The following GALNTL6 variants were observed in gnomAD, a reference collection of about 807,000 sequenced individuals.
GALNTL6 encodes the protein polypeptide N-acetylgalactosaminyltransferase like 6, also known as polypeptide N-acetylgalactosaminyltransferase-like 6.
Under a neutral mutation model 73.7 loss-of-function variants are expected in GALNTL6, and 46 were observed. That is an observed-to-expected ratio of 0.62 (90% CI 0.49 to 0.80). The LOEUF (loss-of-function observed/expected upper bound fraction) is 0.80. GALNTL6 is among the 30% of genes least tolerant of loss of function. The pLI is 0.00. For missense variants in GALNTL6, 604 were observed against 755.0 expected, an observed-to-expected ratio of 0.80 and a Z score of 2.34; for synonymous variants, 259 against 263.7, an observed-to-expected ratio of 0.98 and a Z score of 0.17.
intron 5 of GALNTL6, among the ~76,000 whole-genome samples, chr4:172,444,793 C>T (rs1436662745): frequency 6.6e-6 from 1 of 152,000 alleles, no homozygotes; most frequent in African/African-American, 2.4e-5. Context: ...AAATTGAATC[C>T]TTAATAGCTT....
chr4:172,288,690 A>C (rs1365657073), intron 3 of GALNTL6, among the ~76,000 whole-genome samples: 1 of 152,168 alleles, frequency 6.6e-6, no homozygotes, highest in Non-Finnish European at 1.5e-5. Flanking sequence ...AGTATGTAAT[A>C]AATATTTGTT....
At chr4:172,890,264 C>A (rs1257626334) in intron 8 of GALNTL6, among the ~76,000 whole-genome samples, 1 of 151,962 alleles carries the variant, frequency 6.6e-6, no homozygotes, top group Admixed American at 6.6e-5. Flanking sequence ...TAATTCTGCT[C>A]TGATTTCATT....
intron 5 of GALNTL6, among the ~76,000 whole-genome samples, chr4:172,594,332 G>T (rs1032138390): frequency 6.6e-6 from 1 of 152,026 alleles, no homozygotes; most frequent in East Asian, 1.9e-4. Flanking sequence ...GTGACAGAGC[G>T]AAACTCTGTC....
At chr4:172,823,526 G>T (rs1197801745) in intron 7 of GALNTL6, among the ~76,000 whole-genome samples, 2 of 152,190 alleles carry the variant, frequency 1.3e-5, no homozygotes, top group Non-Finnish European at 2.9e-5. Flanking sequence ...GTCAGATAAG[G>T]TTGTGTATAT....
At chr4:172,322,240 C>T (rs895726649) in intron 4 of GALNTL6, among the ~76,000 whole-genome samples, 4 of 152,130 alleles carry the variant, frequency 2.6e-5, no homozygotes, top group Non-Finnish European at 5.9e-5. Context: ...GCGTAGTTCA[C>T]TTCTATTCAT....
At position 172,666,575 on chromosome 4, in the gene GALNTL6, C is replaced by T. The variant is rs185988562; in HGVS notation, c.554-142786C>T. On this transcript the variant is annotated intron_variant, in intron 5 of 12. Coordinates refer to ENST00000506823, the MANE Select transcript of GALNTL6 (RefSeq NM_001034845.3). The stretch of plus-strand genomic sequence containing the variant: ...CTGCTTGTTCAACCTTGGACTAATT[C>T]CACCCTTGTTATTGACCCTTGTAGT... Among the ~76,000 whole-genome samples, 92 of 152,246 alleles carry T rather than the reference C, an allele frequency of 6.0e-4. 1 individual carries two copies. In the South Asian group the frequency reaches 0.016, roughly 26 times the overall value.
intron 9 of GALNTL6, among the ~76,000 whole-genome samples, chr4:172,951,651 A>G (rs1749449447): frequency 6.6e-6 from 1 of 152,272 alleles, no homozygotes; most frequent in Non-Finnish European, 1.5e-5. Flanking sequence ...TGCTTTAAGC[A>G]ATTTAATGCC....
intron 11 of GALNTL6, among the ~76,000 whole-genome samples, chr4:173,020,008 T>A (rs1230237339): frequency 6.6e-6 from 1 of 152,256 alleles, no homozygotes; most frequent in Non-Finnish European, 1.5e-5. Flanking sequence ...AGGGTTTCCC[T>A]GACAGCTCTT....
intron 2 of GALNTL6, among the ~76,000 whole-genome samples, chr4:171,986,128 A>C (rs1403629661): frequency 6.6e-6 from 1 of 151,766 alleles, no homozygotes; most frequent in Non-Finnish European, 1.5e-5. Context: ...ATGTGAAGAG[A>C]CCACCAAACA....
At chr4:172,578,235 A>C (rs1737036442) in intron 5 of GALNTL6, among the ~76,000 whole-genome samples, 1 of 152,210 alleles carries the variant, frequency 6.6e-6, no homozygotes, top group Admixed American at 6.5e-5. Flanking sequence ...ATGACTTTAA[A>C]TATTTCCATG....
At chr4:172,099,032 T>C (rs999036781) in intron 2 of GALNTL6, among the ~76,000 whole-genome samples, 7 of 152,142 alleles carry the variant, frequency 4.6e-5, no homozygotes, top group African/African-American at 1.7e-4. Flanking sequence ...GAGTTCTGGA[T>C]ACCACACCTA....
chr4:172,624,653 T>C (rs917013159), intron 5 of GALNTL6, among the ~76,000 whole-genome samples: 2 of 152,116 alleles, frequency 1.3e-5, no homozygotes, highest in Non-Finnish European at 2.9e-5. Context: ...AACAAGTATC[T>C]ACTGCTCTGC....
chr4:171,942,956 G>A (rs1251096496), intron 2 of GALNTL6, among the ~76,000 whole-genome samples: 2 of 152,164 alleles, frequency 1.3e-5, no homozygotes, highest in African/African-American at 4.8e-5. Context: ...GTAACTAAAT[G>A]ACTGTGCTCC....
At chr4:172,576,272 G>T (rs905578826) in intron 5 of GALNTL6, among the ~76,000 whole-genome samples, 1 of 151,756 alleles carries the variant, frequency 6.6e-6, no homozygotes, top group Non-Finnish European at 1.5e-5. Context: ...ACTGTGCTGG[G>T]TATTCATCTA....
At chr4:171,989,025 G>A (rs1047736753) in intron 2 of GALNTL6, among the ~76,000 whole-genome samples, 2 of 151,952 alleles carry the variant, frequency 1.3e-5, no homozygotes, top group African/African-American at 4.8e-5. Context: ...TGGGCAGGTG[G>A]GGATAACTAA....
At chr4:172,673,452 G>T (rs1015093863) in intron 5 of GALNTL6, among the ~76,000 whole-genome samples, 4 of 152,098 alleles carry the variant, frequency 2.6e-5, no homozygotes, top group African/African-American at 9.7e-5. Flanking sequence ...ATTCTGTTTT[G>T]GGGGGATGGA....
Position 172,809,219 on chromosome 4 carries a change from G to C in GALNTL6, c.554-142G>C. ...AGTGTAAAATCTAAAAATCTTACTA[G>C]TATCTCCCATCTAGATGAGGAGACA... is the stretch of plus-strand genomic sequence containing the variant. On this transcript the variant is annotated intron_variant, in intron 5 of 12. Coordinates refer to ENST00000506823, the MANE Select transcript of GALNTL6 (RefSeq NM_001034845.3). This position sits in a 1 kb window ranked among gnomAD's most constrained non-coding sequence, Gnocchi z 4.4. The C allele has an allele frequency of 1.6e-6, 1 of 643,304 alleles. No individual in the cohort carries two copies. The highest frequency in any genetic ancestry group is 2.0e-5 in the South Asian group (1 of 48,832). 39.8% of individuals were successfully genotyped at this position (643,304 alleles called of 1,614,324 possible).
chr4:172,575,361 A>C (rs2110959235), intron 5 of GALNTL6, among the ~76,000 whole-genome samples: 1 of 152,330 alleles, frequency 6.6e-6, no homozygotes, highest in Admixed American at 6.5e-5. Context: ...TCCATTGCTA[A>C]CTAGGAAACA....
rs56730611 is a variant in GALNTL6, at chr4:172,721,861, G to A, written c.554-87500G>A. ...CTGCATATGCAGTGCAGCTAGAGTG[G>A]TAGGGATAATGAACTTGTGTTAAGC... On this transcript the variant is annotated intron_variant, in intron 5 of 12. Coordinates refer to ENST00000506823, the MANE Select transcript of GALNTL6 (RefSeq NM_001034845.3). Among the ~76,000 whole-genome samples, 674 of 152,262 alleles carry A rather than the reference G, an allele frequency of 4.4e-3. 5 individuals are homozygous for A. The highest frequency in any genetic ancestry group is 0.016 in the African/African-American group (645 of 41,534).
Sources: gnomAD v4.1 joint callset for allele counts (sites outside exome capture counted in the v4.1 genomes callset) on GRCh38, gnomAD v4.1.1 for gene constraint, Gnocchi (gnomAD v3.1) non-coding constraint, MANE v1.5 for transcripts, NCBI Gene and HGNC (gene_info 2026-07-23, HGNC 2026-07-21) for gene names.